The following MAPK8 variants were observed in gnomAD, a reference collection of about 807,000 sequenced individuals.
MAPK8 encodes the protein mitogen-activated protein kinase 8.
Under a neutral mutation model 52.9 loss-of-function variants are expected in MAPK8, and 13 were observed. The observed-to-expected ratio is 0.25, with a 90% CI of 0.16 to 0.39. The LOEUF (loss-of-function observed/expected upper bound fraction) is 0.39, where lower values mean the gene tolerates loss of function less well. MAPK8 is among the 10% of genes least tolerant of loss of function. The pLI, the probability that MAPK8 is intolerant of heterozygous loss-of-function variation, is 1.00. For missense variants in MAPK8, 300 were observed against 519.2 expected, an observed-to-expected ratio of 0.58 and a Z score of 4.10; for synonymous variants, 191 against 169.8, an observed-to-expected ratio of 1.12 and a Z score of -0.97.
At chr10:48,328,728 C>T (rs1280449993) in intron 1 of MAPK8, among the ~76,000 whole-genome samples, 2 of 152,168 alleles carry the variant, frequency 1.3e-5, no homozygotes, top group African/African-American at 4.8e-5. Context: ...TAAAACTTGT[C>T]TTAAAAACAG....
rs1484623764 is a variant in MAPK8 at position 48,433,897 on chromosome 10, A to AT, written c.1139-983dup. Among the ~76,000 whole-genome samples the AT allele has an allele frequency of 2.6e-5, 4 of 152,274 alleles. No individual in the cohort carries two copies. The East Asian group carries it at 7.7e-4, about 29-fold the overall frequency. On this transcript the variant is annotated intron_variant, in intron 11 of 11. Coordinates refer to ENST00000374189, the MANE Select transcript of MAPK8 (RefSeq NM_001323329.2). Reference sequence around the variant, plus strand: ...TCAGTGTTCCATTTGAAGACCATTGATTTTATTTCATAAATGTATTCTTGA... The same window carrying AT: ...TCAGTGTTCCATTTGAAGACCATTGATTTTTATTTCATAAATGTATTCTTGA...
chr10:48,426,981 A>G, intron 9 of MAPK8, 99 bp from the exon 10 acceptor site: 1 of 828,344 alleles, frequency 1.2e-6, no homozygotes, highest in Admixed American at 2.0e-5. Flanking sequence ...CTAATGATAT[A>G]TTTTTATAAG....
chr10:48,427,257 GGT>G (rs1175493668), intron 10 of MAPK8, 114 bp downstream of exon 10: 6 of 624,346 alleles, frequency 9.6e-6, no homozygotes, highest in Non-Finnish European at 1.7e-5. Context: ...ACCGAAATGT[GGT>G]AATATTAATA....
chr10:48,347,714 A>G (rs1012959706), intron 1 of MAPK8, among the ~76,000 whole-genome samples: 5 of 152,196 alleles, frequency 3.3e-5, no homozygotes, highest in African/African-American at 1.2e-4. Context: ...ATGTCCCTGC[A>G]AAGGACATGA....
chr10:48,424,046 C>G, intron 6 of MAPK8, 42 bp from the exon 7 acceptor site: 3 of 1,519,398 alleles, frequency 2.0e-6, no homozygotes, highest in Non-Finnish European at 2.7e-6. Flanking sequence ...TTTTAATGAC[C>G]TTTTGCTTTG....
At chr10:48,352,942 T>A (rs1013745747) in intron 1 of MAPK8, among the ~76,000 whole-genome samples, 8 of 152,146 alleles carry the variant, frequency 5.3e-5, no homozygotes, top group African/African-American at 1.9e-4. Flanking sequence ...ATTGAATTTC[T>A]CTACACTAGC....
chr10:48,377,494 G>T (rs570427710), intron 1 of MAPK8, among the ~76,000 whole-genome samples: 1 of 152,296 alleles, frequency 6.6e-6, no homozygotes, highest in South Asian at 2.1e-4. Flanking sequence ...GCGGTAAGAT[G>T]TGACTGTGGT....
chr10:48,309,055 T>C (rs923226182), intron 1 of MAPK8, among the ~76,000 whole-genome samples: 1 of 152,238 alleles, frequency 6.6e-6, no homozygotes, highest in African/African-American at 2.4e-5. Context: ...TTTTATTGCT[T>C]TACCTAGTTA....
chr10:48,319,298 C>G (rs1296870726), intron 1 of MAPK8, among the ~76,000 whole-genome samples: 1 of 152,066 alleles, frequency 6.6e-6, no homozygotes, highest in South Asian at 2.1e-4. Flanking sequence ...CAGCTCAAAG[C>G]TTTTTTAGTA....
At chr10:48,373,091 TAAAG>T (rs759210221) in intron 1 of MAPK8, among the ~76,000 whole-genome samples, 8 of 152,194 alleles carry the variant, frequency 5.3e-5, no homozygotes, top group Non-Finnish European at 1.0e-4. Context: ...TCAACATTCT[TAAAG>T]AAAAGAATTT....
chr10:48,365,640 T>G (rs1037329890), intron 1 of MAPK8, among the ~76,000 whole-genome samples: 5 of 152,186 alleles, frequency 3.3e-5, no homozygotes, highest in Non-Finnish European at 7.4e-5. Context: ...TATTATCCCA[T>G]CTTTTGAGAG....
At chr10:48,351,272 A>ATTT (rs66660207) in intron 1 of MAPK8, among the ~76,000 whole-genome samples, 5,458 of 129,476 alleles carry the variant, frequency 0.042, 505 homozygotes, top group African/African-American at 0.11. Context: ...ATAACTTTGA[A>ATTT]TTTTTTTTTT....
chr10:48,353,750 G>A (rs1846564300), intron 1 of MAPK8, among the ~76,000 whole-genome samples: 2 of 152,200 alleles, frequency 1.3e-5, no homozygotes, highest in Admixed American at 6.5e-5. Flanking sequence ...TATGCTGAGT[G>A]AAGAAAAGTC....
chr10:48,408,797 A>C (rs904553878), intron 3 of MAPK8, among the ~76,000 whole-genome samples: 2 of 152,214 alleles, frequency 1.3e-5, no homozygotes, highest in Non-Finnish European at 2.9e-5. Flanking sequence ...ACAATTCTGT[A>C]GGCTGGGAAG....
intron 6 of MAPK8, among the ~76,000 whole-genome samples, chr10:48,422,016 T>TATTTATTTA (rs2043393635): frequency 6.8e-6 from 1 of 146,606 alleles, no homozygotes; most frequent in Admixed American, 6.7e-5. Context: ...CTTATTTATT[T>TATTTATTTA]ATTTATTTAT....
At chr10:48,423,146 C>T (rs934043349) in intron 6 of MAPK8, among the ~76,000 whole-genome samples, 3 of 152,146 alleles carry the variant, frequency 2.0e-5, no homozygotes, top group Non-Finnish European at 2.9e-5. Context: ...TAAAATGCCA[C>T]GATGTGTTGT....
At chr10:48,399,620 A>G (rs1039303508) in intron 1 of MAPK8, among the ~76,000 whole-genome samples, 1 of 152,230 alleles carries the variant, frequency 6.6e-6, no homozygotes, top group Non-Finnish European at 1.5e-5. Context: ...GCCCTACTGC[A>G]TGCATGTTCC....
At chr10:48,307,802 G>A (rs1232723033) in intron 1 of MAPK8, among the ~76,000 whole-genome samples, 4 of 152,132 alleles carry the variant, frequency 2.6e-5, no homozygotes, top group African/African-American at 9.7e-5. Flanking sequence ...TAGAACATCT[G>A]TTTTTTCATT....
chr10:48,421,650 C>T (rs952744408), intron 6 of MAPK8, among the ~76,000 whole-genome samples: 8 of 152,054 alleles, frequency 5.3e-5, no homozygotes, highest in Non-Finnish European at 1.2e-4. Flanking sequence ...ACTGAAAGTA[C>T]AGAAATTAGT....
Sources: allele counts gnomAD v4.1 joint callset (sites outside exome capture counted in the v4.1 genomes callset), GRCh38; gene constraint gnomAD v4.1.1; transcripts MANE v1.5; gene names NCBI Gene and HGNC (gene_info 2026-07-23, HGNC 2026-07-21).